NHS: variants seen among roughly 807,000 people sequenced by gnomAD.
NHS encodes the protein actin remodeling regulator NHS.
A neutral mutation model predicts 72.5 loss-of-function variants in NHS; 5 were observed. The observed-to-expected ratio is 0.07, with a 90% CI of 0.04 to 0.14. The LOEUF is 0.14. NHS is among the 10% of genes least tolerant of loss of function. NHS has a pLI of 1.00. For synonymous variants in NHS, 464 were observed against 547.7 expected (o/e 0.85, Z 2.13); for missense variants, 1,072 against 1,355.7 (o/e 0.79, Z 3.29).
intron 1 of NHS, among the ~76,000 whole-genome samples, chrX:17,603,216 C>T (rs940710868): frequency 4.0e-4 from 45 of 111,675 alleles, no homozygotes; most frequent in African/African-American, 1.5e-3. Flanking sequence ...GGCTACTTGG[C>T]AACAGCCCAG....
At chrX:17,493,442 T>C (rs892313191) in intron 1 of NHS, among the ~76,000 whole-genome samples, 1 of 111,967 alleles carries the variant, frequency 8.9e-6, no homozygotes, top group Non-Finnish European at 1.9e-5. Context: ...CATTTCCACA[T>C]CTATTTTCAG....
At chrX:17,514,575 C>T (rs1462826048) in intron 1 of NHS, among the ~76,000 whole-genome samples, 2 of 112,037 alleles carry the variant, frequency 1.8e-5, no homozygotes, top group Non-Finnish European at 3.8e-5. Context: ...TGCTCTTCAG[C>T]CTGCAGAAGG....
intron 1 of NHS, among the ~76,000 whole-genome samples, chrX:17,432,721 T>G (rs1054293147): frequency 1.8e-5 from 2 of 111,414 alleles, no homozygotes; most frequent in African/African-American, 6.5e-5. Flanking sequence ...AACAATGTTC[T>G]TAAACCATTA....
At chrX:17,478,877 A>C (rs1282480408) in intron 1 of NHS, among the ~76,000 whole-genome samples, 1 of 111,234 alleles carries the variant, frequency 9.0e-6, no homozygotes, top group Admixed American at 9.6e-5. Context: ...TGAATTTTAA[A>C]TTTTCTTTAA....
chrX:17,452,491 GTTTTT>G (rs112703898), intron 1 of NHS, among the ~76,000 whole-genome samples: 2 of 98,520 alleles, frequency 2.0e-5, no homozygotes, highest in African/African-American at 7.3e-5. Context: ...ATCTTTCTGT[GTTTTT>G]TTTTTTTGTT....
At chrX:17,682,803 G>A (rs919817334) in intron 1 of NHS, among the ~76,000 whole-genome samples, 1 of 111,096 alleles carries the variant, frequency 9.0e-6, no homozygotes, top group African/African-American at 3.3e-5. Context: ...GCAATGGGAT[G>A]CTCACAAGGC....
chrX:17,495,113 C>T (rs2065006678), intron 1 of NHS, among the ~76,000 whole-genome samples: 1 of 111,739 alleles, frequency 8.9e-6, no homozygotes, highest in African/African-American at 3.3e-5. Context: ...TATTGATAGC[C>T]CAGGTGAATG....
intron 1 of NHS, among the ~76,000 whole-genome samples, chrX:17,394,352 C>T (rs1427726932): frequency 1.8e-5 from 2 of 111,833 alleles, no homozygotes; most frequent in African/African-American, 6.5e-5. Flanking sequence ...ACTATAAGTG[C>T]TTCAATTTTT....
intron 1 of NHS, among the ~76,000 whole-genome samples, chrX:17,451,645 C>T (rs181704856): frequency 8.9e-6 from 1 of 111,836 alleles, no homozygotes; most frequent in East Asian, 2.8e-4. Flanking sequence ...CAGCTGACTC[C>T]AGTTCTAATA....
At chrX:17,399,018 T>G (rs942403153) in intron 1 of NHS, among the ~76,000 whole-genome samples, 4 of 112,134 alleles carry the variant, frequency 3.6e-5, no homozygotes, top group Non-Finnish European at 7.5e-5. Flanking sequence ...GCTATCTAAT[T>G]CCAAAGCCAT....
chrX:17,615,431 T>G (rs1330436391), intron 1 of NHS, among the ~76,000 whole-genome samples: 4 of 105,901 alleles, frequency 3.8e-5, no homozygotes, highest in South Asian at 8.6e-4. Flanking sequence ...TTTTTTTTTT[T>G]TGTGGAGATG....
chrX:17,635,247 A>G (rs1210443111), intron 1 of NHS: 28 of 977,225 alleles, frequency 2.9e-5, no homozygotes, highest in African/African-American at 6.0e-5. Flanking sequence ...GGAAAGTGCT[A>G]AGCCCCTCCT....
At chrX:17,414,244 C>CT (rs1197327613) in intron 1 of NHS, among the ~76,000 whole-genome samples, 1 of 112,128 alleles carries the variant, frequency 8.9e-6, no homozygotes, top group Non-Finnish European at 1.9e-5. Flanking sequence ...CCTTAGTTTG[C>CT]TTTTTTGTGA....
Position 17,561,573 on chromosome X carries a change from C to T in NHS, c.566-126169C>T, listed in dbSNP as rs767798673. 9.0e-4 allele frequency among the ~76,000 whole-genome samples: 66 copies of T among 72,964 alleles called. No homozygotes were observed. The East Asian group carries it at 0.016, about 18-fold the overall frequency. The allele number at this position is 72,964 out of a possible 115,157, so 63.4% of individuals were successfully genotyped here. On this transcript the variant is annotated intron_variant, in intron 1 of 8. Coordinates refer to ENST00000676302, the MANE Select transcript of NHS (RefSeq NM_001291867.2). ...GCAAGTGCATGCGCGCGCGCGCGCG[C>T]GCACACACACACACACACACACACA...
At chrX:17,591,352 A>C (rs2087773355) in intron 1 of NHS, among the ~76,000 whole-genome samples, 1 of 111,698 alleles carries the variant, frequency 9.0e-6, no homozygotes, top group Non-Finnish European at 1.9e-5. Context: ...TCTGGTGGCC[A>C]AAGGGTGTCA....
intron 3 of NHS, among the ~76,000 whole-genome samples, chrX:17,713,836 A>G (rs1206074627): frequency 3.6e-5 from 4 of 112,017 alleles, no homozygotes; most frequent in African/African-American, 1.3e-4. Flanking sequence ...TTATATACCA[A>G]AGACATTTAT....
At chrX:17,626,440 C>T (rs2065798557) in intron 1 of NHS, among the ~76,000 whole-genome samples, 1 of 112,086 alleles carries the variant, frequency 8.9e-6, no homozygotes, top group Non-Finnish European at 1.9e-5. Context: ...AATAATCTCA[C>T]CTTGTTTCTG....
chrX:17,679,349 T>C (rs1319886653), intron 1 of NHS, among the ~76,000 whole-genome samples: 3 of 111,977 alleles, frequency 2.7e-5, no homozygotes, highest in African/African-American at 6.5e-5. Flanking sequence ...GCCAATTTCA[T>C]TTCCCTGCCA....
intron 1 of NHS, among the ~76,000 whole-genome samples, chrX:17,656,878 G>A (rs1167034689): frequency 8.9e-6 from 1 of 112,183 alleles, no homozygotes; most frequent in East Asian, 2.8e-4. Flanking sequence ...GGGCTGGGGA[G>A]AAGTCGAGGA....
Sources: allele counts gnomAD v4.1 joint callset (sites outside exome capture counted in the v4.1 genomes callset), GRCh38; gene constraint gnomAD v4.1.1; transcripts MANE v1.5; gene names NCBI Gene and HGNC (gene_info 2026-07-23, HGNC 2026-07-21).